ACTR10: variants seen among roughly 807,000 people sequenced by gnomAD.
ACTR10 encodes the protein actin-related protein 10.
ACTR10 carries 43 observed loss-of-function variants against 56.2 expected under a neutral mutation model. The observed-to-expected ratio is 0.77, with a 90% confidence interval of 0.60 to 0.99. The LOEUF is 0.99. Ranked by LOEUF, ACTR10 falls within the 50% of genes least tolerant of loss-of-function variation. The pLI is 0.00. For synonymous variants in ACTR10, 170 were observed against 176.3 expected (o/e 0.96, Z 0.28); for missense variants, 466 against 507.8 (o/e 0.92, Z 0.79).
At chr14:58,204,064 C>A (rs141062681) in intron 2 of ACTR10, among the ~76,000 whole-genome samples, 1 of 151,946 alleles carries the variant, frequency 6.6e-6, no homozygotes, top group Admixed American at 6.6e-5. Context: ...CTGAGTGTGG[C>A]TGGAGGCTGT....
At chr14:58,224,040 G>T (rs1889343627) in intron 10 of ACTR10, among the ~76,000 whole-genome samples, 184 bp downstream of exon 10, 1 of 150,450 alleles carries the variant, frequency 6.6e-6, no homozygotes, top group South Asian at 2.1e-4. Flanking sequence ...TTGCTGTGTT[G>T]CCCAGGCTGG....
chr14:58,234,679 CTT>C lies in ACTR10; in HGVS notation c.*130_*131del. 1 of 794,352 alleles carries C rather than the reference CTT, an allele frequency of 1.3e-6. No individual in the cohort carries two copies. The highest frequency in any genetic ancestry group is 1.8e-6 in the Non-Finnish European group (1 of 541,332). 49.2% of individuals were successfully genotyped at this position (794,352 alleles called of 1,614,324 possible). On this transcript the variant is annotated 3_prime_UTR_variant, in exon 13 of 13. Coordinates refer to ENST00000254286, the MANE Select transcript of ACTR10 (RefSeq NM_018477.3). Reference sequence around the variant, plus strand: ...GAAGTGAAAGCATTCTGTGTTTACTCTTTGCATTAATATATAATTCTTTTGAC... The same window carrying C: ...GAAGTGAAAGCATTCTGTGTTTACTCTGCATTAATATATAATTCTTTTGAC...
chr14:58,223,601 G>A (rs771910649), intron 8 of ACTR10, 21 bp from the exon 9 acceptor site: 1 of 1,591,648 alleles, frequency 6.3e-7, no homozygotes, highest in African/African-American at 1.4e-5. Flanking sequence ...CCATAATAAG[G>A]TCTCCTTTTC....
chr14:58,232,379 T>C (rs1355981622), intron 12 of ACTR10, 112 bp downstream of exon 12: 2 of 512,784 alleles, frequency 3.9e-6, no homozygotes, highest in Admixed American at 4.1e-5. Context: ...GCCCACTTTA[T>C]AAATAGAACT....
chr14:58,230,455 C>T lies in ACTR10; in HGVS notation c.845C>T (p.Thr282Ile), dbSNP rs1217446794. The part of the protein sequence containing the change: ...EQDNEEQSVA[T>I]LILDSLIQCP... Reference sequence around the variant, plus strand: ...GATAATGAAGAGCAATCAGTTGCCACTTTAATATTGGATTCCCTTATACAG... The same window carrying T: ...GATAATGAAGAGCAATCAGTTGCCATTTTAATATTGGATTCCCTTATACAG... The change falls in exon 11 of 13, where the codon ACT becomes ATT. Residue 282 changes from threonine (T) to isoleucine (I), a missense_variant. Physicochemically the swap from Thr to Ile is moderately conservative, Grantham distance 89. Coordinates refer to ENST00000254286, the MANE Select transcript of ACTR10 (RefSeq NM_018477.3). 1.2e-5 allele frequency: 19 copies of T among 1,590,098 alleles called. No homozygotes were observed. The highest frequency in any genetic ancestry group is 1.6e-5 in the Non-Finnish European group (19 of 1,169,224).
At chr14:58,202,481 G>A (rs1888743317) in intron 1 of ACTR10, among the ~76,000 whole-genome samples, 3 of 151,660 alleles carry the variant, frequency 2.0e-5, no homozygotes, top group Admixed American at 6.6e-5. Flanking sequence ...CTACTCAGGA[G>A]CCTGAGGCAG....
rs769961568 is a variant in ACTR10, at chr14:58,232,244, C to T, written c.1049C>T (p.Ala350Val). The stretch of plus-strand genomic sequence containing the variant: ...CGAATTCATACTCCACCTGCAAAAG[C>T]TAATTGTGTGGCCTGGTTGGGAGGT... Reference protein sequence around the residue: ...TFRIHTPPAKANCVAWLGGAI... With the variant: ...TFRIHTPPAKVNCVAWLGGAI... The change falls in exon 12 of 13, where the codon GCT becomes GTT. Residue 350 changes from alanine to valine, a missense_variant. Transcript: ENST00000254286. 6.0e-5 allele frequency: 97 copies of T among 1,613,318 alleles called. No individual in the cohort carries two copies. The highest frequency in any genetic ancestry group is 8.1e-5 in the Non-Finnish European group (96 of 1,179,772).
rs769111414 is a variant in ACTR10 at position 58,232,215 on chromosome 14, A to G, written c.1020A>G (p.Thr340=). 9 of 1,613,748 alleles carry G rather than the reference A, an allele frequency of 5.6e-6. No individual in the cohort carries two copies. The highest frequency in any genetic ancestry group is 2.2e-5 in the East Asian group (1 of 44,842). The stretch of plus-strand genomic sequence containing the variant: ...ATAAAAAAGCACTTGGCACTAAGAC[A>G]TTTCGAATTCATACTCCACCTGCAA... ...PKYKKALGTK[T]FRIHTPPAKA... The change falls in exon 12 of 13, where the codon ACA becomes ACG. Residue 340 remains threonine, a synonymous_variant. Coordinates refer to ENST00000254286, the MANE Select transcript of ACTR10 (RefSeq NM_018477.3).
chr14:58,223,953 T>A, intron 10 of ACTR10, 97 bp downstream of exon 10: 1 of 942,222 alleles, frequency 1.1e-6, no homozygotes, highest in Non-Finnish European at 1.6e-6. Flanking sequence ...ATTGCCATTT[T>A]AACAGTTCAG....
At chr14:58,231,857 A>G (rs1889543471) in intron 11 of ACTR10, among the ~76,000 whole-genome samples, 1 of 152,084 alleles carries the variant, frequency 6.6e-6, no homozygotes, top group Admixed American at 6.6e-5. Context: ...TTATGTATAT[A>G]TTTGGCAGTA....
chr14:58,223,334 C>T (rs1594811958), intron 8 of ACTR10, among the ~76,000 whole-genome samples: 1 of 152,114 alleles, frequency 6.6e-6, no homozygotes, highest in Admixed American at 6.5e-5. Flanking sequence ...GATGGGGTGT[C>T]GCCCTGTTGG....
intron 2 of ACTR10, among the ~76,000 whole-genome samples, chr14:58,205,326 T>C (rs1888830609): frequency 6.6e-6 from 1 of 150,448 alleles, no homozygotes; most frequent in Non-Finnish European, 1.5e-5. Flanking sequence ...TTTTTTTTTT[T>C]TTTTTTGAGG....
intron 1 of ACTR10, among the ~76,000 whole-genome samples, chr14:58,201,169 A>G (rs1888695480): frequency 6.6e-6 from 1 of 152,202 alleles, no homozygotes; most frequent in Admixed American, 6.5e-5. Context: ...CTATTTATTG[A>G]CTAAGTGGTT....
intron 6 of ACTR10, among the ~76,000 whole-genome samples, chr14:58,214,106 G>A (rs567242139): frequency 2.6e-5 from 4 of 152,186 alleles, no homozygotes; most frequent in African/African-American, 7.2e-5. Flanking sequence ...TAAATAGTAG[G>A]TCTTACTGTT....
chr14:58,216,856 C>T (rs1002106225), intron 7 of ACTR10, among the ~76,000 whole-genome samples: 2 of 152,214 alleles, frequency 1.3e-5, no homozygotes, highest in African/African-American at 2.4e-5. Context: ...TCATTTGCCT[C>T]TTAACTCACT....
chr14:58,230,516 A>T lies in ACTR10; in HGVS notation c.870+36A>T, dbSNP rs1889505305. 5 of 1,101,174 alleles carry T rather than the reference A, an allele frequency of 4.5e-6. No homozygotes were observed. In the East Asian group the frequency reaches 1.4e-4, roughly 30 times the overall value. 68.2% of individuals were successfully genotyped at this position (1,101,174 alleles called of 1,614,324 possible). ...TTGTCAAAAAATTCCCTTTATTACC[A>T]CAGTCCTTTAAATATAAATTTTAAA... On this transcript the variant is annotated intron_variant, in intron 11 of 12. Coordinates refer to ENST00000254286, the MANE Select transcript of ACTR10 (RefSeq NM_018477.3).
intron 1 of ACTR10, among the ~76,000 whole-genome samples, chr14:58,200,623 G>C (rs1445285088): frequency 1.3e-5 from 2 of 152,094 alleles, no homozygotes; most frequent in African/African-American, 4.8e-5. Context: ...GCTTACCCTG[G>C]GCTCCTCAGT....
At chr14:58,229,616 T>C (rs1423221143) in intron 10 of ACTR10, among the ~76,000 whole-genome samples, 1 of 149,382 alleles carries the variant, frequency 6.7e-6, no homozygotes, top group Admixed American at 6.8e-5. Flanking sequence ...AGGCGGAGCT[T>C]GCAGTGAGCC....
intron 2 of ACTR10, among the ~76,000 whole-genome samples, chr14:58,207,703 T>G (rs1372474991): frequency 6.6e-6 from 1 of 152,186 alleles, no homozygotes; most frequent in Non-Finnish European, 1.5e-5. Flanking sequence ...GCTCTTTACT[T>G]CCTATGAACA....
Sources: gnomAD v4.1 joint callset for allele counts (sites outside exome capture counted in the v4.1 genomes callset) on GRCh38, gnomAD v4.1.1 for gene constraint, MANE v1.5 for transcripts, NCBI Gene and HGNC (gene_info 2026-07-23, HGNC 2026-07-21) for gene names.